The following PDXDC1 variants were observed in gnomAD, a reference collection of about 807,000 sequenced individuals.
PDXDC1 encodes pyridoxal dependent decarboxylase domain containing 1.
In PDXDC1, 42 loss-of-function variants were observed where a neutral mutation model predicts 100.1. That is an observed-to-expected ratio of 0.42 (90% CI 0.33 to 0.54). The LOEUF (loss-of-function observed/expected upper bound fraction) is 0.54, where lower values mean the gene tolerates loss of function less well. PDXDC1 is among the 20% of genes least tolerant of loss of function. The pLI, the probability that PDXDC1 is intolerant of heterozygous loss-of-function variation, is 0.10. For missense variants in PDXDC1, 636 were observed against 979.2 expected, an observed-to-expected ratio of 0.65 and a Z score of 4.68; for synonymous variants, 260 against 371.7, an observed-to-expected ratio of 0.70 and a Z score of 3.46.
intron 16 of PDXDC1, among the ~76,000 whole-genome samples, chr16:15,069,184 CCTGGCAGTAT>C (rs1460496269): frequency 1.3e-5 from 2 of 152,242 alleles, no homozygotes; most frequent in South Asian, 4.1e-4. Flanking sequence ...GCAGAGGACA[CCTGGCAGTAT>C]CTGGAGACAC....
chr16:15,145,475 T>C, the PDXDC1 span, among the ~76,000 whole-genome samples: 1 of 152,268 alleles, frequency 6.6e-6, no homozygotes, highest in Non-Finnish European at 1.5e-5. Flanking sequence ...CTTCCGCCTC[T>C]GCCTGGGCAC....
chr16:15,106,791 C>T (rs1332721851), intron 16 of PDXDC1, among the ~76,000 whole-genome samples: 4 of 92,242 alleles, frequency 4.3e-5, no homozygotes, highest in African/African-American at 1.1e-4. Flanking sequence ...ACTGTACAGT[C>T]TGATCCAAAC....
chr16:15,092,577 T>G (rs745855912), intron 16 of PDXDC1: 1 of 1,613,406 alleles, frequency 6.2e-7, no homozygotes, highest in South Asian at 1.1e-5. Context: ...GGGGGAGAAT[T>G]GAAAAAGTCA....
intron 16 of PDXDC1, among the ~76,000 whole-genome samples, chr16:15,112,229 G>A (rs1026438120): frequency 5.4e-5 from 8 of 148,430 alleles, no homozygotes; most frequent in South Asian, 2.2e-4. Context: ...TCATTGAAAT[G>A]ACTTTTTTCT....
chr16:15,074,687 G>A, intron 16 of PDXDC1: 2 of 1,548,704 alleles, frequency 1.3e-6, no homozygotes, highest in Admixed American at 1.8e-5. Context: ...CAGGTACACT[G>A]CAGGTGTTCA....
At chr16:15,137,151 A>C in intron 16 of PDXDC1, 1 of 713,178 alleles carries the variant, frequency 1.4e-6, no homozygotes, top group East Asian at 2.7e-5. Flanking sequence ...CCGTCTCCGA[A>C]GTCCCAGCGT....
intron 18 of PDXDC1, 111 bp downstream of exon 18, chr16:15,033,090 C>A: frequency 1.0e-6 from 1 of 971,570 alleles, no homozygotes; most frequent in Non-Finnish European, 1.6e-6. Context: ...GGCTGGGTTC[C>A]AGGCGAAGAT....
At chr16:15,129,608 C>T (rs534367969) in intron 16 of PDXDC1, among the ~76,000 whole-genome samples, 41 of 152,340 alleles carry the variant, frequency 2.7e-4, no homozygotes, top group Admixed American at 1.2e-3. Flanking sequence ...ACAGTGGTAG[C>T]GATGCTCATG....
intron 16 of PDXDC1, among the ~76,000 whole-genome samples, chr16:15,052,528 C>T (rs1057379682): frequency 6.6e-6 from 1 of 152,086 alleles, no homozygotes; most frequent in East Asian, 1.9e-4. Context: ...AACTGTAAAG[C>T]ACAATGCTAT....
At chr16:14,997,991 A>G (rs1344010130) in intron 2 of PDXDC1, among the ~76,000 whole-genome samples, 165 bp downstream of exon 2, 1 of 152,296 alleles carries the variant, frequency 6.6e-6, no homozygotes, top group Non-Finnish European at 1.5e-5. Flanking sequence ...CCTTGTAATT[A>G]AAGGATTTTG....
chr16:15,019,239 C>A (rs1310902418), intron 12 of PDXDC1, among the ~76,000 whole-genome samples: 1 of 152,222 alleles, frequency 6.6e-6, no homozygotes, highest in African/African-American at 2.4e-5. Context: ...AGATGACTTC[C>A]AAGGAGTGGA....
intron 16 of PDXDC1, chr16:15,063,223 T>A (rs775703861): frequency 6.2e-7 from 1 of 1,612,992 alleles, no homozygotes; most frequent in Non-Finnish European, 8.5e-7. Flanking sequence ...TGAACTCCTG[T>A]AGCTCTTCAG....
chr16:15,050,032 C>A (rs2044235743), intron 16 of PDXDC1, among the ~76,000 whole-genome samples: 2 of 152,162 alleles, frequency 1.3e-5, no homozygotes, highest in Non-Finnish European at 2.9e-5. Context: ...TTTCCTGTTG[C>A]TGTTGTCCTC....
downstream of PDXDC1, chr16:15,040,121 T>C: frequency 1.0e-6 from 1 of 967,030 alleles, no homozygotes; most frequent in Non-Finnish European, 1.7e-6. Context: ...GCGGAAAGTC[T>C]GCACAGTCTT....
rs2665260 is a variant in PDXDC1 at position 15,132,918 on chromosome 16, A to G, written c.1400-5961A>G. 1.8e-3 allele frequency: 2,902 copies of G among 1,583,382 alleles called. 18 individuals are homozygous for G. The highest frequency in any genetic ancestry group is 9.2e-3 in the South Asian group (833 of 90,130). Reference sequence around the variant, plus strand: ...CAGCAAGCTGTCAGCAGGGCAGGAGACCGGCAGGAGGCCAGCAGATGCCCA... The same window carrying G: ...CAGCAAGCTGTCAGCAGGGCAGGAGGCCGGCAGGAGGCCAGCAGATGCCCA... On this transcript the variant is annotated intron_variant, in intron 16 of 16. Coordinates refer to the PDXDC1 transcript ENST00000535621.
chr16:15,111,756 C>CAAAAA (rs1202549941), intron 16 of PDXDC1, among the ~76,000 whole-genome samples: 5 of 58,606 alleles, frequency 8.5e-5, no homozygotes, highest in Non-Finnish European at 1.5e-4. Context: ...GACTCCGTCT[C>CAAAAA]AAAAAAAAAA....
chr16:15,093,729 G>A (rs912728035), intron 16 of PDXDC1, among the ~76,000 whole-genome samples: 16 of 152,188 alleles, frequency 1.1e-4, no homozygotes, highest in African/African-American at 3.9e-4. Flanking sequence ...AAACAAATAC[G>A]TGTGTCGAAA....
Position 15,101,486 on chromosome 16 carries a change from T to C in PDXDC1, c.1400-37393T>C, listed in dbSNP as rs558131032. On this transcript the variant is annotated intron_variant, in intron 16 of 16. Transcript: ENST00000535621. ...TGTGCACTACCATGCCCAGCTGTTT[T>C]TTGTAGAGATGGGGTTAGTAGAGAT... 5.7e-3 allele frequency among the ~76,000 whole-genome samples: 871 copies of C among 152,172 alleles called. 7 individuals are homozygous for C. Among genetic ancestry groups the C allele is most frequent in the African/African-American group, 0.019 (778 of 41,548 alleles).
intron 16 of PDXDC1, among the ~76,000 whole-genome samples, chr16:15,054,477 T>C (rs987081830): frequency 9.2e-5 from 14 of 152,180 alleles, no homozygotes; most frequent in Non-Finnish European, 2.9e-5. Context: ...CGGCTGAAAT[T>C]ATTTTTCCTT....
Sources: allele counts gnomAD v4.1 joint callset (sites outside exome capture counted in the v4.1 genomes callset), GRCh38; gene constraint gnomAD v4.1.1; transcripts MANE v1.5; gene names NCBI Gene and HGNC (gene_info 2026-07-23, HGNC 2026-07-21).